XKR6: variants seen among roughly 807,000 people sequenced by gnomAD.
XKR6 encodes the protein XK-related protein 6.
In XKR6, 22 loss-of-function variants were observed where a neutral mutation model predicts 56.7. That is an observed-to-expected ratio of 0.39 (90% CI 0.28 to 0.55). The LOEUF is 0.55. Ranked by LOEUF, XKR6 falls within the 20% of genes least tolerant of loss-of-function variation. The pLI, the probability that XKR6 is intolerant of heterozygous loss-of-function variation, is 0.66. For missense variants in XKR6, 852 were observed against 889.0 expected (o/e 0.96, Z 0.53); for synonymous variants, 524 against 387.8 (o/e 1.35, Z -4.13).
intron 1 of XKR6, among the ~76,000 whole-genome samples, chr8:10,996,156 A>T (rs1218300269): frequency 6.6e-6 from 1 of 152,208 alleles, no homozygotes; most frequent in East Asian, 1.9e-4. Flanking sequence ...TCTGTTACCA[A>T]CTTCTCAGGT....
intron 1 of XKR6, among the ~76,000 whole-genome samples, chr8:11,023,791 TG>T (rs1563351959): frequency 6.6e-6 from 1 of 152,220 alleles, no homozygotes; most frequent in African/African-American, 2.4e-5. Context: ...CGGAGCCACC[TG>T]CGGTGCTGAC....
At chr8:10,945,310 C>G (rs978867841) in intron 1 of XKR6, among the ~76,000 whole-genome samples, 1 of 152,154 alleles carries the variant, frequency 6.6e-6, no homozygotes, top group Admixed American at 6.5e-5. Flanking sequence ...ATGGTGAAAC[C>G]CTGTCTCTAC....
At chr8:11,040,173 C>T (rs372108963) in intron 1 of XKR6, among the ~76,000 whole-genome samples, 2 of 151,982 alleles carry the variant, frequency 1.3e-5, no homozygotes, top group African/African-American at 4.8e-5. Context: ...GTCCACGATG[C>T]CCTACTTTCC....
At chr8:11,124,752 T>G (rs1328920926) in intron 1 of XKR6, 1 of 151,934 alleles carries the variant, frequency 6.6e-6, no homozygotes, top group African/African-American at 2.4e-5. Flanking sequence ...CTCCATTATC[T>G]CCAGGGCATG....
intron 1 of XKR6, among the ~76,000 whole-genome samples, chr8:10,959,093 G>T (rs1481747068): frequency 2.0e-5 from 3 of 152,206 alleles, no homozygotes; most frequent in Non-Finnish European, 4.4e-5. Context: ...GTCACTTTGG[G>T]TGTTGGCTCG....
At chr8:10,983,265 A>G (rs1031088005) in intron 1 of XKR6, among the ~76,000 whole-genome samples, 2 of 152,168 alleles carry the variant, frequency 1.3e-5, no homozygotes, top group Non-Finnish European at 2.9e-5. Context: ...AATAAAATAA[A>G]TCATTAGTTA....
At chr8:10,924,542 G>A (rs1366393026) in intron 2 of XKR6, 92 bp downstream of exon 2, 29 of 1,465,958 alleles carry the variant, frequency 2.0e-5, no homozygotes, top group Non-Finnish European at 2.8e-6. Flanking sequence ...AATGCCCACA[G>A]AGCGTGCCAG....
At chr8:11,142,525 A>C (rs1320263917) in intron 1 of XKR6, among the ~76,000 whole-genome samples, 1 of 152,070 alleles carries the variant, frequency 6.6e-6, no homozygotes, top group East Asian at 1.9e-4. Flanking sequence ...ATGGCTTAAC[A>C]CCATCTCCTT....
At position 11,096,189 on chromosome 8, in the gene XKR6, A is replaced by G. The variant is rs79017909; in HGVS notation, c.764+104387T>C. Among the ~76,000 whole-genome samples the G allele has an allele frequency of 3.2e-4, 49 of 152,362 alleles. 1 individual carries two copies. The East Asian group carries it at 9.4e-3, about 29-fold the overall frequency. On this transcript the variant is annotated intron_variant, in intron 1 of 2. Transcript: ENST00000416569. Reference sequence around the variant, plus strand: ...GTATTTACCCTAAGGAAATAAGCAGAGATGTATACAAAGATTCAGTACAAG... The same window carrying G: ...GTATTTACCCTAAGGAAATAAGCAGGGATGTATACAAAGATTCAGTACAAG...
chr8:11,180,981 A>C (rs1381181661), intron 1 of XKR6, among the ~76,000 whole-genome samples: 4 of 152,222 alleles, frequency 2.6e-5, no homozygotes, highest in African/African-American at 9.6e-5. Flanking sequence ...CAATAATGAC[A>C]TACAGGGTTA....
chr8:10,966,942 C>T (rs949480667), intron 1 of XKR6, among the ~76,000 whole-genome samples: 26 of 152,174 alleles, frequency 1.7e-4, no homozygotes, highest in Non-Finnish European at 2.6e-4. Flanking sequence ...TTTCAATCTC[C>T]CCAGGCAATT....
At chr8:10,999,151 C>T (rs538991220) in intron 1 of XKR6, among the ~76,000 whole-genome samples, 23 of 152,238 alleles carry the variant, frequency 1.5e-4, no homozygotes, top group Admixed American at 3.9e-4. Context: ...AATATCAGGA[C>T]AGGGATTTCA....
At chr8:11,090,496 G>A (rs963550950) in intron 1 of XKR6, among the ~76,000 whole-genome samples, 2 of 152,020 alleles carry the variant, frequency 1.3e-5, no homozygotes, top group African/African-American at 4.8e-5. Context: ...GATGGTAGGT[G>A]TCTCAAAGAG....
At chr8:10,929,266 A>T (rs1478139744) in intron 1 of XKR6, among the ~76,000 whole-genome samples, 1 of 152,242 alleles carries the variant, frequency 6.6e-6, no homozygotes, top group Non-Finnish European at 1.5e-5. Flanking sequence ...ATATTACCTC[A>T]TTTAATCCTC....
chr8:11,160,054 C>G (rs1801717153), intron 1 of XKR6, among the ~76,000 whole-genome samples: 1 of 152,124 alleles, frequency 6.6e-6, no homozygotes, highest in Non-Finnish European at 1.5e-5. Context: ...AAATGTAAGA[C>G]TCATCAGTGG....
intron 1 of XKR6, among the ~76,000 whole-genome samples, chr8:11,117,824 C>A (rs563031015): frequency 6.6e-6 from 1 of 152,004 alleles, no homozygotes; most frequent in Admixed American, 6.6e-5. Flanking sequence ...AAAAAGAAAA[C>A]CCCATGAAAA....
chr8:11,015,971 G>T (rs1248328435), intron 1 of XKR6, among the ~76,000 whole-genome samples: 2 of 152,160 alleles, frequency 1.3e-5, no homozygotes, highest in Non-Finnish European at 2.9e-5. Context: ...CTCCATGAGG[G>T]CGGGCAGCAG....
At chr8:11,176,025 A>G (rs762410520) in intron 1 of XKR6, among the ~76,000 whole-genome samples, 4 of 152,196 alleles carry the variant, frequency 2.6e-5, no homozygotes, top group Admixed American at 6.5e-5. Flanking sequence ...GCTGCAATAT[A>G]CACTACTCTG....
rs530089587 is a variant in XKR6, at chr8:11,126,611, C to T, written c.764+73965G>A. ...AAAACACCTTATATCTCACAAGAGG[C>T]CTTCTAGAATTGTAGTCACCTGCCG... On this transcript the variant is annotated intron_variant, in intron 1 of 2. Coordinates refer to ENST00000416569, the MANE Select transcript of XKR6 (RefSeq NM_173683.4). Among the ~76,000 whole-genome samples, 45 of 152,256 alleles carry T rather than the reference C, an allele frequency of 3.0e-4. 1 individual carries two copies. Among genetic ancestry groups the T allele is most frequent in the African/African-American group, 1.0e-3 (43 of 41,542 alleles).
Sources: gnomAD v4.1 joint callset for allele counts (sites outside exome capture counted in the v4.1 genomes callset) on GRCh38, gnomAD v4.1.1 for gene constraint, MANE v1.5 for transcripts, NCBI Gene and HGNC (gene_info 2026-07-23, HGNC 2026-07-21) for gene names.